WDPCP: variants seen among roughly 807,000 people sequenced by gnomAD.
WDPCP encodes WD repeat containing planar cell polarity effector.
WDPCP carries 71 observed loss-of-function variants against 93.1 expected under a neutral mutation model. The observed-to-expected ratio is 0.76, with a 90% CI of 0.63 to 0.93. The LOEUF is 0.93. WDPCP is among the 40% of genes least tolerant of loss of function. The pLI, the probability that WDPCP is intolerant of heterozygous loss-of-function variation, is 0.00. For missense variants in WDPCP, 844 were observed against 887.4 expected (o/e 0.95, Z 0.62); for synonymous variants, 315 against 315.0 (o/e 1.00, Z 0.00).
At chr2:63,223,283 C>A (rs1161523919) in intron 14 of WDPCP, among the ~76,000 whole-genome samples, 1 of 152,024 alleles carries the variant, frequency 6.6e-6, no homozygotes, top group Non-Finnish European at 1.5e-5. Flanking sequence ...ATTTCTTATA[C>A]ACAGATGGCA....
intron 9 of WDPCP, among the ~76,000 whole-genome samples, chr2:63,425,874 G>A (rs1258288517): frequency 6.6e-6 from 1 of 152,110 alleles, no homozygotes; most frequent in Non-Finnish European, 1.5e-5. Flanking sequence ...GAAATACAGA[G>A]AACCCATGCA....
At chr2:63,715,754 G>C (rs1294029840) in intron 2 of WDPCP, among the ~76,000 whole-genome samples, 1 of 152,104 alleles carries the variant, frequency 6.6e-6, no homozygotes, top group African/African-American at 2.4e-5. Context: ...TTAATACAAA[G>C]ATAAAGTCAA....
intron 14 of WDPCP, among the ~76,000 whole-genome samples, chr2:63,240,223 G>T (rs1574960057): frequency 6.6e-6 from 1 of 152,050 alleles, no homozygotes; most frequent in East Asian, 1.9e-4. Context: ...CTGTTGCCCA[G>T]GCTGGAGTGC....
intron 2 of WDPCP, among the ~76,000 whole-genome samples, chr2:63,768,922 T>G (rs1348129537): frequency 6.6e-6 from 1 of 152,028 alleles, no homozygotes; most frequent in Non-Finnish European, 1.5e-5. Context: ...AGGGGAGATC[T>G]CTTTGGTCCT....
chr2:63,316,895 C>T (rs868476388), intron 12 of WDPCP, among the ~76,000 whole-genome samples: 5 of 152,008 alleles, frequency 3.3e-5, no homozygotes, highest in Non-Finnish European at 5.9e-5. Context: ...TTTCTATACA[C>T]CAATAATGTC....
At chr2:63,792,061 G>A (rs1670553438) in intron 2 of WDPCP, among the ~76,000 whole-genome samples, 1 of 152,130 alleles carries the variant, frequency 6.6e-6, no homozygotes, top group Non-Finnish European at 1.5e-5. Flanking sequence ...GAGGTACAAA[G>A]GTGATGACAT....
chr2:63,461,064 C>T (rs1698975801), intron 6 of WDPCP, among the ~76,000 whole-genome samples: 1 of 152,176 alleles, frequency 6.6e-6, no homozygotes, highest in Non-Finnish European at 1.5e-5. Flanking sequence ...GAATGTGTTA[C>T]TTCCATGTAA....
At chr2:63,134,020 G>A (rs557995682) in intron 17 of WDPCP, among the ~76,000 whole-genome samples, 13 of 152,142 alleles carry the variant, frequency 8.5e-5, no homozygotes, top group Non-Finnish European at 1.6e-4. Flanking sequence ...GAGAATGAGG[G>A]TCTGAAGCTT....
At chr2:63,735,808 T>A (rs1669630655) in intron 2 of WDPCP, among the ~76,000 whole-genome samples, 1 of 152,202 alleles carries the variant, frequency 6.6e-6, no homozygotes, top group Non-Finnish European at 1.5e-5. Context: ...GAAAGCTAAA[T>A]TCTATTAAGT....
chr2:63,139,248 T>A (rs1025684130), intron 17 of WDPCP, among the ~76,000 whole-genome samples: 3 of 152,208 alleles, frequency 2.0e-5, no homozygotes, highest in Non-Finnish European at 4.4e-5. Flanking sequence ...GTTGGTTCCA[T>A]GATTTTGCAG....
intron 2 of WDPCP, among the ~76,000 whole-genome samples, chr2:63,801,455 A>G (rs1221402567): frequency 6.6e-6 from 1 of 152,138 alleles, no homozygotes; most frequent in East Asian, 1.9e-4. Context: ...TATCATGAAG[A>G]GCAAAAGAAC....
chr2:63,296,264 T>C (rs1349560707), intron 13 of WDPCP, among the ~76,000 whole-genome samples: 1 of 149,130 alleles, frequency 6.7e-6, no homozygotes, highest in Non-Finnish European at 1.5e-5. Flanking sequence ...ATAAAAACCC[T>C]TGGCAAACTA....
chr2:63,757,649 T>C (rs775030054), intron 2 of WDPCP, among the ~76,000 whole-genome samples: 43 of 152,342 alleles, frequency 2.8e-4, no homozygotes, highest in Middle Eastern at 6.8e-3. Context: ...CTAAATATTC[T>C]AGTTCTTCTG....
chr2:63,577,132 A>G (rs1708168629), intron 1 of WDPCP, among the ~76,000 whole-genome samples: 1 of 152,294 alleles, frequency 6.6e-6, no homozygotes, highest in East Asian at 1.9e-4. Flanking sequence ...TTTATATTTA[A>G]TCTGACCTAA....
At chr2:63,400,192 A>G (rs13034891) in intron 10 of WDPCP, among the ~76,000 whole-genome samples, 215 of 152,356 alleles carry the variant, frequency 1.4e-3, no homozygotes, top group Non-Finnish European at 2.5e-3. Flanking sequence ...CATATATTTC[A>G]GGGCACAGCT....
chr2:63,181,472 G>A (rs184523270), intron 14 of WDPCP, among the ~76,000 whole-genome samples: 180 of 152,010 alleles, frequency 1.2e-3, no homozygotes, highest in African/African-American at 4.2e-3. Flanking sequence ...GGGTATGTTT[G>A]TGTTGACATT....
intron 1 of WDPCP, among the ~76,000 whole-genome samples, chr2:63,551,882 C>T (rs1224746688): frequency 1.3e-5 from 2 of 151,118 alleles, no homozygotes; most frequent in South Asian, 4.2e-4. Context: ...AACCTATCCC[C>T]ATCACAGTCT....
At chr2:63,601,091 C>A (rs371967123) in intron 3 of WDPCP, among the ~76,000 whole-genome samples, 2 of 152,220 alleles carry the variant, frequency 1.3e-5, no homozygotes, top group East Asian at 1.9e-4. Context: ...AAAGTGCTAT[C>A]TCCTCAGACT....
chr2:63,207,750 C>T (rs1414701543), intron 14 of WDPCP, among the ~76,000 whole-genome samples: 3 of 152,084 alleles, frequency 2.0e-5, no homozygotes, highest in Admixed American at 1.3e-4. Context: ...TGTGCTCTTT[C>T]ATTACTACTA....
Sources: gnomAD v4.1 joint callset for allele counts (sites outside exome capture counted in the v4.1 genomes callset) on GRCh38, gnomAD v4.1.1 for gene constraint, MANE v1.5 for transcripts, NCBI Gene and HGNC (gene_info 2026-07-23, HGNC 2026-07-21) for gene names.